GRIK3: variants seen among roughly 807,000 people sequenced by gnomAD.
GRIK3 encodes the protein glutamate receptor ionotropic, kainate 3.
Under a neutral mutation model 102.5 loss-of-function variants are expected in GRIK3, and 29 were observed. The ratio of observed to expected loss-of-function variants is 0.28; its 90% CI spans 0.21 to 0.39. The LOEUF is 0.39. Among genes scored for constraint, GRIK3 ranks in the 10% least tolerant of loss-of-function variants. The pLI, the probability that GRIK3 is intolerant of heterozygous loss-of-function variation, is 1.00. For missense variants in GRIK3, 908 were observed against 1,252.4 expected (o/e 0.73, Z 4.15); for synonymous variants, 511 against 504.9 (o/e 1.01, Z -0.16).
intron 5 of GRIK3, 133 bp from the exon 6 acceptor site, chr1:36,860,150 G>A (rs1640705837): frequency 1.5e-6 from 1 of 647,514 alleles, no homozygotes; most frequent in East Asian, 2.8e-5. Flanking sequence ...CCTGCAGAGG[G>A]GGTGCGGGAT....
chr1:36,898,536 A>G (rs1049171320), intron 1 of GRIK3, among the ~76,000 whole-genome samples: 4 of 152,192 alleles, frequency 2.6e-5, no homozygotes, highest in Non-Finnish European at 5.9e-5. Context: ...ATTAAATAAG[A>G]CATCAATAAA....
At chr1:36,987,088 T>C (rs1642314464) in intron 1 of GRIK3, among the ~76,000 whole-genome samples, 1 of 152,172 alleles carries the variant, frequency 6.6e-6, no homozygotes, top group Admixed American at 6.5e-5. Flanking sequence ...CTGATCAAGG[T>C]TGAAGTATCA....
rs1553124752 is a variant in GRIK3 at position 36,974,812 on chromosome 1, A to AAC, written c.115+59181_115+59182insGT. Among the ~76,000 whole-genome samples the AAC allele has an allele frequency of 8.1e-3, 1,220 of 151,456 alleles. 5 individuals carry two copies. The highest frequency in any genetic ancestry group is 0.011 in the Non-Finnish European group (775 of 67,846). The stretch of plus-strand genomic sequence containing the variant: ...GAGACTCTGTCTCAAAAAAAAAAAA[A>AAC]CAAAAAAAAAGGAATGCCATTCTGA... On this transcript the variant is annotated intron_variant, in intron 1 of 15. Coordinates refer to ENST00000373091, the MANE Select transcript of GRIK3 (RefSeq NM_000831.4).
chr1:37,019,309 A>G (rs1280330831), intron 1 of GRIK3, among the ~76,000 whole-genome samples: 1 of 152,206 alleles, frequency 6.6e-6, no homozygotes, highest in African/African-American at 2.4e-5. Context: ...CGTAAGTGAT[A>G]AACTGATTTA....
At chr1:36,895,219 C>T (rs1641160196) in intron 1 of GRIK3, among the ~76,000 whole-genome samples, 1 of 151,986 alleles carries the variant, frequency 6.6e-6, no homozygotes, top group African/African-American at 2.4e-5. Flanking sequence ...GCATCATGTC[C>T]AGCTATCAAG....
chr1:36,825,150 G>GGGAT (rs202049327), intron 11 of GRIK3, among the ~76,000 whole-genome samples: 5 of 152,268 alleles, frequency 3.3e-5, no homozygotes, highest in Middle Eastern at 3.4e-3. Flanking sequence ...TCTGCATGTG[G>GGGAT]GGATGGCTGT....
At chr1:36,995,352 T>A (rs1642409672) in intron 1 of GRIK3, among the ~76,000 whole-genome samples, 1 of 152,174 alleles carries the variant, frequency 6.6e-6, no homozygotes, top group Non-Finnish European at 1.5e-5. Flanking sequence ...TTAAGACCCC[T>A]GCTCTCAGCT....
intron 1 of GRIK3, among the ~76,000 whole-genome samples, chr1:36,988,795 G>A (rs1261320576): frequency 6.6e-6 from 1 of 152,188 alleles, no homozygotes; most frequent in Non-Finnish European, 1.5e-5. Context: ...GATGGCAAAA[G>A]CAGACAAGAG....
chr1:37,009,552 T>A (rs1282858881), intron 1 of GRIK3, among the ~76,000 whole-genome samples: 5 of 152,078 alleles, frequency 3.3e-5, no homozygotes, highest in Non-Finnish European at 7.4e-5. Flanking sequence ...AAAAAAAGAA[T>A]CCACAGCACT....
intron 1 of GRIK3, among the ~76,000 whole-genome samples, chr1:37,007,509 G>A (rs954925738): frequency 4.6e-5 from 7 of 152,182 alleles, no homozygotes; most frequent in Non-Finnish European, 8.8e-5. Context: ...GAAAGAGGAC[G>A]AAATGAACAA....
intron 1 of GRIK3, among the ~76,000 whole-genome samples, chr1:37,028,979 A>G (rs1642791823): frequency 6.6e-6 from 1 of 152,266 alleles, no homozygotes; most frequent in Non-Finnish European, 1.5e-5. Context: ...TAATTGCACA[A>G]TAAATTGGAG....
At chr1:37,016,864 AAG>A (rs1642656931) in intron 1 of GRIK3, among the ~76,000 whole-genome samples, 1 of 152,130 alleles carries the variant, frequency 6.6e-6, no homozygotes, top group African/African-American at 2.4e-5. Flanking sequence ...AGAGTTTAGA[AAG>A]AGAATTTCTT....
chr1:36,918,749 C>T (rs1194719554), intron 1 of GRIK3, among the ~76,000 whole-genome samples: 1 of 152,158 alleles, frequency 6.6e-6, no homozygotes, highest in Non-Finnish European at 1.5e-5. Flanking sequence ...GATTGTGTGA[C>T]CTTCAAGAGA....
intron 1 of GRIK3, among the ~76,000 whole-genome samples, chr1:36,952,114 G>A (rs1641850977): frequency 6.6e-6 from 1 of 152,180 alleles, no homozygotes; most frequent in African/African-American, 2.4e-5. Flanking sequence ...GAGTGGGGAT[G>A]ACTGGAACAC....
intron 1 of GRIK3, among the ~76,000 whole-genome samples, chr1:36,974,026 T>A (rs1642170862): frequency 6.6e-6 from 1 of 152,142 alleles, no homozygotes; most frequent in Admixed American, 6.5e-5. Context: ...CTGTGGTGTG[T>A]TTTGCTCGGT....
intron 9 of GRIK3, among the ~76,000 whole-genome samples, chr1:36,843,708 G>A (rs1011412638): frequency 6.6e-6 from 1 of 151,988 alleles, no homozygotes; most frequent in Non-Finnish European, 1.5e-5. Flanking sequence ...TCCTTCCTTC[G>A]CCCCCTGCCC....
intron 1 of GRIK3, among the ~76,000 whole-genome samples, chr1:36,911,134 G>C (rs773201420): frequency 6.6e-6 from 1 of 152,174 alleles, no homozygotes; most frequent in Non-Finnish European, 1.5e-5. Flanking sequence ...GAGGGAGGGA[G>C]GGGGTGGCCG....
At chr1:36,988,873 A>C (rs959917450) in intron 1 of GRIK3, among the ~76,000 whole-genome samples, 2 of 152,184 alleles carry the variant, frequency 1.3e-5, no homozygotes, top group African/African-American at 4.8e-5. Flanking sequence ...TTTTCAGTTA[A>C]GCTGAATGAA....
At chr1:36,921,117 C>T (rs1309297390) in intron 1 of GRIK3, among the ~76,000 whole-genome samples, 1 of 152,238 alleles carries the variant, frequency 6.6e-6, no homozygotes. Flanking sequence ...GACACGGATG[C>T]CGAAATCTCC....
Sources: gnomAD v4.1 joint callset for allele counts (sites outside exome capture counted in the v4.1 genomes callset) on GRCh38, gnomAD v4.1.1 for gene constraint, MANE v1.5 for transcripts, NCBI Gene and HGNC (gene_info 2026-07-23, HGNC 2026-07-21) for gene names.